SCNN1B: variants seen among roughly 807,000 people sequenced by gnomAD.
The protein encoded by SCNN1B is epithelial sodium channel subunit beta.
In SCNN1B, 46 loss-of-function variants were observed where a neutral mutation model predicts 65.3. The ratio of observed to expected loss-of-function variants is 0.70; its 90% confidence interval spans 0.56 to 0.90. The LOEUF (loss-of-function observed/expected upper bound fraction) is 0.90. Among genes scored for constraint, SCNN1B ranks in the 40% least tolerant of loss-of-function variants. SCNN1B has a pLI of 0.00. For synonymous variants in SCNN1B, 349 were observed against 330.6 expected (o/e 1.06, Z -0.60); for missense variants, 751 against 830.5 (o/e 0.90, Z 1.18).
At chr16:23,289,876 A>G (rs11642778) in intron 2 of SCNN1B, among the ~76,000 whole-genome samples, 5,365 of 151,990 alleles carry the variant, frequency 0.035, 105 homozygotes, top group African/African-American at 0.052. Context: ...GGGTTTCACC[A>G]TGTTGGCCAG....
chr16:23,331,472 C>A (rs1195644172), intron 1 of SCNN1B, among the ~76,000 whole-genome samples: 1 of 151,962 alleles, frequency 6.6e-6, no homozygotes, highest in African/African-American at 2.4e-5. Flanking sequence ...TTACAAGTAC[C>A]CACCACCAGG....
intron 2 of SCNN1B, among the ~76,000 whole-genome samples, chr16:23,287,920 C>T (rs1324768904): frequency 2.0e-5 from 3 of 148,242 alleles, no homozygotes; most frequent in Non-Finnish European, 4.4e-5. Flanking sequence ...TTTGGGAAGC[C>T]GAGGTAGGCT....
At chr16:23,297,257 CTTG>C (rs1275217829) in intron 2 of SCNN1B, among the ~76,000 whole-genome samples, 3 of 152,122 alleles carry the variant, frequency 2.0e-5, no homozygotes, top group Non-Finnish European at 2.9e-5. Flanking sequence ...AACATTTGTG[CTTG>C]TTGTTGTTTA....
intron 7 of SCNN1B, among the ~76,000 whole-genome samples, chr16:23,375,359 A>T (rs1962871358): frequency 6.6e-6 from 1 of 152,146 alleles, no homozygotes; most frequent in South Asian, 2.1e-4. Context: ...CATCTGTGTC[A>T]GGTGCTTGGA....
At chr16:23,330,814 C>G (rs1961795822) in intron 1 of SCNN1B, among the ~76,000 whole-genome samples, 1 of 152,298 alleles carries the variant, frequency 6.6e-6, no homozygotes, top group East Asian at 1.9e-4. Flanking sequence ...AAGCGATCCT[C>G]CTGCTGCAGC....
rs985599832 is a variant in SCNN1B at position 23,368,079 on chromosome 16, G to A, written c.880+120G>A. 7 of 844,124 alleles carry A rather than the reference G, an allele frequency of 8.3e-6. No homozygotes were observed. In the African/African-American group the frequency reaches 1.0e-4, roughly 12 times the overall value. 52.3% of individuals were successfully genotyped at this position (844,124 alleles called of 1,614,324 possible). On this transcript the variant is annotated intron_variant, in intron 5 of 12. Coordinates refer to ENST00000343070, the MANE Select transcript of SCNN1B (RefSeq NM_000336.3). ...TGAGGGGGGACCAAGGCATCAAGAG[G>A]AGTGGCTGCTACCGAGGCTCTACTG...
At chr16:23,365,607 A>ACGAAAGAAAG (rs1962649191) in intron 4 of SCNN1B, among the ~76,000 whole-genome samples, 1 of 76,718 alleles carries the variant, frequency 1.3e-5, no homozygotes, top group Admixed American at 1.2e-4. Flanking sequence ...GAAAGAAAGA[A>ACGAAAGAAAG]AGAAAGAAAG....
chr16:23,372,068 G>C, intron 7 of SCNN1B, 185 bp downstream of exon 7: 1 of 657,964 alleles, frequency 1.5e-6, no homozygotes, highest in African/African-American at 1.8e-5. Flanking sequence ...AGGGCCTAGG[G>C]TTGGCCACTT....
intron 11 of SCNN1B, among the ~76,000 whole-genome samples, chr16:23,379,453 T>A (rs1962990512): frequency 6.6e-6 from 1 of 151,406 alleles, no homozygotes; most frequent in Non-Finnish European, 1.5e-5. Flanking sequence ...CGTAGGGAGG[T>A]GGCTTTGAGT....
At position 23,381,079 on chromosome 16, in the gene SCNN1B, C is replaced by T. The variant is rs549628659; in HGVS notation, c.*278C>T. 312 of 506,068 alleles carry T rather than the reference C, an allele frequency of 6.2e-4. 1 individual carries two copies. Among genetic ancestry groups the T allele is most frequent in the South Asian group, 1.1e-3 (53 of 46,872 alleles). 31.3% of individuals were successfully genotyped at this position (506,068 alleles called of 1,614,324 possible). On this transcript the variant is annotated 3_prime_UTR_variant, in exon 13 of 13. Transcript: ENST00000343070. Reference sequence around the variant, plus strand: ...CCTGATCCTGGTCCTGAAGACCCCTCGGAACACCCTCTCCTGGTGGCAGGC... The same window carrying T: ...CCTGATCCTGGTCCTGAAGACCCCTTGGAACACCCTCTCCTGGTGGCAGGC...
intron 1 of SCNN1B, among the ~76,000 whole-genome samples, chr16:23,317,436 A>G (rs1470919937): frequency 6.6e-6 from 1 of 152,186 alleles, no homozygotes; most frequent in East Asian, 1.9e-4. Flanking sequence ...GTGTGGGGAC[A>G]TGACTGGAGA....
At chr16:23,319,054 T>C (rs1435660564) in intron 1 of SCNN1B, among the ~76,000 whole-genome samples, 1 of 151,900 alleles carries the variant, frequency 6.6e-6, no homozygotes, top group East Asian at 1.9e-4. Flanking sequence ...TGTTTTTTTT[T>C]TTTTTGAGAC....
At chr16:23,362,831 C>T (rs146562327) in intron 4 of SCNN1B, among the ~76,000 whole-genome samples, 1 of 152,352 alleles carries the variant, frequency 6.6e-6, no homozygotes, top group East Asian at 1.9e-4. Flanking sequence ...CCTTCAAGAG[C>T]AGGGCCTGGA....
At chr16:23,331,366 C>T (rs1039564257) in intron 1 of SCNN1B, among the ~76,000 whole-genome samples, 4 of 149,470 alleles carry the variant, frequency 2.7e-5, no homozygotes, top group Admixed American at 2.7e-4. Flanking sequence ...ACTTTGTCAT[C>T]CAGGCTGGAG....
intron 4 of SCNN1B, among the ~76,000 whole-genome samples, chr16:23,360,288 C>A (rs181343782): frequency 6.6e-6 from 1 of 152,128 alleles, no homozygotes; most frequent in Non-Finnish European, 1.5e-5. Context: ...TTAATCCCAG[C>A]ACTTTGGGAG....
rs748077355 is a variant in SCNN1B, at chr16:23,375,862, G to A, written c.1270+7G>A. On this transcript the variant is annotated splice_region_variant and intron_variant, in intron 8 of 12. Coordinates refer to ENST00000343070, the MANE Select transcript of SCNN1B (RefSeq NM_000336.3). The stretch of plus-strand genomic sequence containing the variant: ...CGGGACTTCCCAGACTGGGGTGAGC[G>A]GGGGCACGGGGGATCGGCACTCCAG... 3.1e-5 allele frequency: 48 copies of A among 1,563,536 alleles called. No homozygotes were observed. The highest frequency in any genetic ancestry group is 1.8e-4 in the East Asian group (8 of 44,628).
intron 1 of SCNN1B, among the ~76,000 whole-genome samples, chr16:23,278,718 G>A (rs149221653): frequency 1.3e-5 from 2 of 152,030 alleles, no homozygotes; most frequent in Middle Eastern, 3.4e-3. Flanking sequence ...ATTGCTTGAG[G>A]CCAGGAGCTT....
chr16:23,380,473 G>A lies in SCNN1B; in HGVS notation c.1595G>A (p.Gly532Asp), dbSNP rs1030331682. The A allele has an allele frequency of 1.9e-6, 3 of 1,614,232 alleles. No homozygotes were observed. The highest frequency in any genetic ancestry group is 1.7e-5 in the Admixed American group (1 of 60,026). The change falls in exon 13 of 13, where the codon GGC becomes GAC. Residue 532 changes from glycine to aspartate, a missense_variant. By Grantham distance (94) the Gly-to-Asp change is moderately conservative (BLOSUM62 -1). Transcript: ENST00000343070. This position sits in a 1 kb window ranked among gnomAD's most constrained non-coding sequence, Gnocchi z 5.4. Reference protein sequence around the residue: ...LGGQFGFWMGGSVLCLIEFGE... With the variant: ...LGGQFGFWMGDSVLCLIEFGE... ...GGCCAGTTTGGCTTCTGGATGGGGGGCTCTGTGCTGTGCCTCATCGAGTTT... is the reference window on the plus strand; with the variant it reads ...GGCCAGTTTGGCTTCTGGATGGGGGACTCTGTGCTGTGCCTCATCGAGTTT...
At chr16:23,353,411 C>T (rs1421440150) in intron 3 of SCNN1B, among the ~76,000 whole-genome samples, 1 of 152,194 alleles carries the variant, frequency 6.6e-6, no homozygotes, top group African/African-American at 2.4e-5. Context: ...CTTGGTTCAA[C>T]TTTTCTCTCA....
Sources: gnomAD v4.1 joint callset for allele counts (sites outside exome capture counted in the v4.1 genomes callset) on GRCh38, gnomAD v4.1.1 for gene constraint, Gnocchi (gnomAD v3.1) non-coding constraint, MANE v1.5 for transcripts, NCBI Gene and HGNC (gene_info 2026-07-23, HGNC 2026-07-21) for gene names.